Variants in GRM7 observed in about 807,000 individuals in gnomAD.
GRM7 encodes glutamate metabotropic receptor 7.
In GRM7, 35 loss-of-function variants were observed where a neutral mutation model predicts 84.5. That is an observed-to-expected ratio of 0.41 (90% CI 0.32 to 0.55). The LOEUF (loss-of-function observed/expected upper bound fraction) is 0.55, where lower values mean the gene tolerates loss of function less well. Ranked by LOEUF, GRM7 falls within the 20% of genes least tolerant of loss-of-function variation. The probability of loss-of-function intolerance (pLI) is 0.19; values close to 1 mark genes in which losing one functional copy is unlikely to be tolerated. For missense variants in GRM7, 1,003 were observed against 1,194.6 expected (o/e 0.84, Z 2.36); for synonymous variants, 487 against 455.1 (o/e 1.07, Z -0.89).
At chr3:7,168,015 A>G (rs959662128) in intron 2 of GRM7, among the ~76,000 whole-genome samples, 1 of 143,684 alleles carries the variant, frequency 7.0e-6, no homozygotes, top group Non-Finnish European at 1.5e-5. Context: ...AAAAAATTCC[A>G]AATTTCTGAG....
intron 1 of GRM7, among the ~76,000 whole-genome samples, chr3:7,017,361 G>A (rs1021551279): frequency 1.3e-5 from 2 of 152,054 alleles, no homozygotes; most frequent in Admixed American, 1.3e-4. Context: ...AAGAGGTTTG[G>A]GAAAATTTGT....
At position 7,578,996 on chromosome 3, in the gene GRM7, T is replaced by A; in HGVS notation, c.2090T>A (p.Ile697Lys). The change falls in exon 8 of 10, where the codon ATA (isoleucine) becomes AAA (lysine). Residue 697 changes from isoleucine (I) to lysine (K), a missense_variant. Ile to Lys is a moderately radical substitution (Grantham distance 102, BLOSUM62 -3). Around this residue, in one of 2 missense-constraint regions of GRM7, gnomAD observed 910 missense variants for 1,126.0 expected, o/e 0.81. Transcript: ENST00000357716. ...AAATCAGTAACAGCTCCCAGACTCATAAGCCCAACATCACAACTGGCAATC... is the reference window on the plus strand; with the variant it reads ...AAATCAGTAACAGCTCCCAGACTCAAAAGCCCAACATCACAACTGGCAATC... ...GKKSVTAPRL[I>K]SPTSQLAITS... The A allele has an allele frequency of 6.2e-7, 1 of 1,614,134 alleles. No individual in the cohort carries two copies. The highest frequency in any genetic ancestry group is 8.5e-7 in the Non-Finnish European group (1 of 1,179,994).
At chr3:6,932,744 T>A (rs1439696420) in intron 1 of GRM7, among the ~76,000 whole-genome samples, 1 of 142,758 alleles carries the variant, frequency 7.0e-6, no homozygotes, top group African/African-American at 2.7e-5. Context: ...TGTTTTCTTC[T>A]TTCTCTCTTT....
At position 7,435,599 on chromosome 3, in the gene GRM7, G is replaced by GCCTC. The variant is rs545420298; in HGVS notation, c.1175-17005_1175-17002dup. 8.7e-4 allele frequency among the ~76,000 whole-genome samples: 131 copies of GCCTC among 151,250 alleles called. 5 individuals are homozygous for GCCTC. The South Asian group carries it at 0.026, about 30-fold the overall frequency. ...ACGATCTCAGCTCGCTGCAACCTCA[G>GCCTC]CCTCCCGGCTCCAAGAAATTCTCCT... On this transcript the variant is annotated intron_variant, in intron 5 of 9. Transcript: ENST00000357716.
At chr3:7,388,355 T>A (rs949735799) in intron 4 of GRM7, among the ~76,000 whole-genome samples, 14 of 152,100 alleles carry the variant, frequency 9.2e-5, no homozygotes, top group African/African-American at 3.4e-4. Flanking sequence ...AGTATTTTGT[T>A]AAGGATTTTT....
chr3:6,879,008 A>G (rs1695414414), intron 1 of GRM7, among the ~76,000 whole-genome samples: 1 of 152,238 alleles, frequency 6.6e-6, no homozygotes, highest in South Asian at 2.1e-4. Context: ...ATGAGTTTAC[A>G]GAGACCCATA....
At position 7,352,967 on chromosome 3, in the gene GRM7, C is replaced by A. The variant is rs998193151; in HGVS notation, c.1033+46315C>A. Reference sequence around the variant, plus strand: ...AGAGTTCAACTTCATTGTAAGCCAGCCAATGGCTTGATAAGGACTTGTGTC... The same window carrying A: ...AGAGTTCAACTTCATTGTAAGCCAGACAATGGCTTGATAAGGACTTGTGTC... On this transcript the variant is annotated intron_variant, in intron 4 of 9. Transcript: ENST00000357716. 2.6e-5 allele frequency among the ~76,000 whole-genome samples: 4 copies of A among 152,138 alleles called. No homozygotes were observed. The East Asian group carries it at 5.8e-4, about 22-fold the overall frequency.
intron 1 of GRM7, among the ~76,000 whole-genome samples, chr3:6,943,059 GT>G: frequency 6.6e-6 from 1 of 151,972 alleles, no homozygotes; most frequent in Non-Finnish European, 1.5e-5. Context: ...TTTTTGGTAA[GT>G]TGGTTCCTTA....
intron 8 of GRM7, among the ~76,000 whole-genome samples, chr3:7,652,880 G>T (rs1350714193): frequency 6.6e-6 from 1 of 152,160 alleles, no homozygotes; most frequent in Admixed American, 6.6e-5. Context: ...GGCTAAGTAT[G>T]TAGCATTTAT....
At chr3:7,204,219 G>A (rs1696159180) in intron 2 of GRM7, among the ~76,000 whole-genome samples, 1 of 152,190 alleles carries the variant, frequency 6.6e-6, no homozygotes, top group South Asian at 2.1e-4. Flanking sequence ...CAGACAGAAA[G>A]ACAATGGTTG....
chr3:7,097,170 A>C (rs1306557530), intron 1 of GRM7, among the ~76,000 whole-genome samples: 2 of 152,096 alleles, frequency 1.3e-5, no homozygotes, highest in African/African-American at 4.8e-5. Context: ...GCAGATGGAG[A>C]GTGGTAGACT....
intron 8 of GRM7, among the ~76,000 whole-genome samples, chr3:7,599,978 A>C (rs539308113): frequency 6.6e-6 from 1 of 152,134 alleles, no homozygotes; most frequent in Non-Finnish European, 1.5e-5. Context: ...CAACAATTGA[A>C]CCAAACAGGT....
chr3:7,435,532 G>T (rs1376119267), intron 5 of GRM7, among the ~76,000 whole-genome samples: 1 of 151,948 alleles, frequency 6.6e-6, no homozygotes, highest in Non-Finnish European at 1.5e-5. Flanking sequence ...TGTTTTTAGA[G>T]ATGGAGTTTC....
chr3:7,546,070 C>T (rs1205447165), intron 7 of GRM7, among the ~76,000 whole-genome samples: 1 of 152,042 alleles, frequency 6.6e-6, no homozygotes, highest in African/African-American at 2.4e-5. Context: ...ATTAACTCAG[C>T]CCAAATTTAT....
chr3:7,209,658 G>A (rs1484364291), intron 2 of GRM7, among the ~76,000 whole-genome samples: 3 of 152,172 alleles, frequency 2.0e-5, no homozygotes, highest in Admixed American at 6.5e-5. Flanking sequence ...GTCTGTTGAC[G>A]AGGTAGCTCA....
intron 7 of GRM7, among the ~76,000 whole-genome samples, chr3:7,491,454 C>A (rs1324211963): frequency 6.6e-6 from 1 of 151,580 alleles, no homozygotes; most frequent in African/African-American, 2.4e-5. Context: ...AGGACATTGG[C>A]CTTTAAAAGT....
intron 1 of GRM7, among the ~76,000 whole-genome samples, chr3:7,084,852 C>T (rs1698388863): frequency 6.6e-6 from 1 of 152,092 alleles, no homozygotes; most frequent in African/African-American, 2.4e-5. Context: ...AAAAAATTAG[C>T]TCAAGAAGAA....
At chr3:7,409,085 G>C (rs1213846265) in intron 4 of GRM7, among the ~76,000 whole-genome samples, 3 of 152,078 alleles carry the variant, frequency 2.0e-5, no homozygotes, top group Non-Finnish European at 4.4e-5. Context: ...GTTTATTTAT[G>C]TGCCAAGACT....
intron 2 of GRM7, among the ~76,000 whole-genome samples, chr3:7,291,256 C>T (rs776664689): frequency 2.6e-5 from 4 of 151,982 alleles, no homozygotes; most frequent in African/African-American, 7.3e-5. Context: ...CTGACTGCCG[C>T]GAGCTGACAC....
Sources: gnomAD v4.1 joint callset for allele counts (sites outside exome capture counted in the v4.1 genomes callset) on GRCh38, gnomAD v4.1.1 for gene constraint, gnomAD v4.1.1 regional missense constraint, MANE v1.5 for transcripts, NCBI Gene and HGNC (gene_info 2026-07-23, HGNC 2026-07-21) for gene names.